Variants in SLC9A9 observed in about 807,000 individuals in gnomAD.
The protein encoded by SLC9A9 is sodium/hydrogen exchanger 9.
In SLC9A9, 62 loss-of-function variants were observed where a neutral mutation model predicts 77.8. The ratio of observed to expected loss-of-function variants is 0.80; its 90% CI spans 0.65 to 0.98. SLC9A9 has a LOEUF of 0.98. Among genes scored for constraint, SLC9A9 ranks in the 50% least tolerant of loss-of-function variants. The pLI, the probability that SLC9A9 is intolerant of heterozygous loss-of-function variation, is 0.00. For synonymous variants in SLC9A9, 320 were observed against 283.5 expected (o/e 1.13, Z -1.29); for missense variants, 775 against 774.9 (o/e 1.00, Z 0.00).
At chr3:143,266,991 T>C (rs1937744457) in intron 15 of SLC9A9, 62 bp from the exon 16 acceptor site, 1 of 1,478,090 alleles carries the variant, frequency 6.8e-7, no homozygotes, top group East Asian at 2.3e-5. Context: ...ATAGCAGTCC[T>C]ACAATTTTTT....
chr3:143,565,145 C>A (rs16853819), intron 8 of SLC9A9, among the ~76,000 whole-genome samples: 2 of 152,090 alleles, frequency 1.3e-5, no homozygotes, highest in African/African-American at 4.8e-5. Flanking sequence ...ATATTCTACC[C>A]TTGTGTGGAA....
At chr3:143,535,382 C>CT (rs1490298531) in intron 9 of SLC9A9, among the ~76,000 whole-genome samples, 2 of 152,144 alleles carry the variant, frequency 1.3e-5, no homozygotes, top group Admixed American at 1.3e-4. Flanking sequence ...CAGGTCATAT[C>CT]TTTTTGCTTT....
intron 5 of SLC9A9, among the ~76,000 whole-genome samples, chr3:143,670,892 A>T (rs1038625670): frequency 6.6e-6 from 1 of 152,202 alleles, no homozygotes; most frequent in African/African-American, 2.4e-5. Flanking sequence ...AAAATCAATT[A>T]TAAAGTGGGA....
chr3:143,798,962 T>C (rs980823249), intron 2 of SLC9A9, among the ~76,000 whole-genome samples: 2 of 152,062 alleles, frequency 1.3e-5, no homozygotes, highest in African/African-American at 2.4e-5. Context: ...TCTCAATTCT[T>C]CCTCAGCCTC....
At chr3:143,277,243 A>C (rs905143) in intron 14 of SLC9A9, among the ~76,000 whole-genome samples, 13,901 of 152,272 alleles carry the variant, frequency 0.091, 895 homozygotes, top group East Asian at 0.27. Flanking sequence ...CATCTGATCT[A>C]TATCCTTGGA....
intron 5 of SLC9A9, among the ~76,000 whole-genome samples, chr3:143,684,988 A>G (rs1166383860): frequency 6.6e-6 from 1 of 152,068 alleles, no homozygotes; most frequent in African/African-American, 2.4e-5. Context: ...CTCAATTTTA[A>G]ATTATTACAG....
intron 12 of SLC9A9, among the ~76,000 whole-genome samples, chr3:143,462,609 T>A (rs2108565575): frequency 6.6e-6 from 1 of 152,190 alleles, no homozygotes; most frequent in East Asian, 1.9e-4. Context: ...TTGGCTACTT[T>A]GGACTAATCT....
chr3:143,768,366 C>G (rs1031491297), intron 4 of SLC9A9, among the ~76,000 whole-genome samples: 17 of 152,064 alleles, frequency 1.1e-4, no homozygotes, highest in Admixed American at 3.9e-4. Context: ...AACAACCTAC[C>G]CTGTATTTTA....
intron 12 of SLC9A9, among the ~76,000 whole-genome samples, chr3:143,437,715 C>G (rs960838077): frequency 6.6e-6 from 1 of 152,222 alleles, no homozygotes; most frequent in African/African-American, 2.4e-5. Flanking sequence ...TCCCCACCCC[C>G]AGTCACTAAA....
intron 5 of SLC9A9, among the ~76,000 whole-genome samples, chr3:143,680,204 T>C (rs1435471183): frequency 1.3e-5 from 2 of 152,118 alleles, no homozygotes; most frequent in Non-Finnish European, 2.9e-5. Context: ...CAAATTGCTA[T>C]TGAATATGAG....
At chr3:143,743,244 TA>T (rs1560059067) in intron 4 of SLC9A9, among the ~76,000 whole-genome samples, 11,130 of 65,774 alleles carry the variant, frequency 0.17, 496 homozygotes, top group East Asian at 0.24. Flanking sequence ...GATGGATGGA[TA>T]GATAGATAGA....
At chr3:143,785,881 G>C (rs2008038820) in intron 4 of SLC9A9, among the ~76,000 whole-genome samples, 1 of 131,784 alleles carries the variant, frequency 7.6e-6, no homozygotes, top group Admixed American at 8.3e-5. Context: ...TTTTGAGACG[G>C]AGTTTCGCTC....
chr3:143,583,896 C>A (rs1174326365), intron 6 of SLC9A9, among the ~76,000 whole-genome samples: 2 of 152,128 alleles, frequency 1.3e-5, no homozygotes, highest in Admixed American at 6.6e-5. Context: ...CTTTGGGTGG[C>A]AGGGATCATC....
chr3:143,472,880 T>C (rs1454424579), intron 11 of SLC9A9, among the ~76,000 whole-genome samples: 6 of 152,204 alleles, frequency 3.9e-5, no homozygotes, highest in African/African-American at 1.4e-4. Flanking sequence ...AAAACCTTAT[T>C]TTGAGAGTCA....
intron 12 of SLC9A9, among the ~76,000 whole-genome samples, chr3:143,383,458 C>T (rs1381698312): frequency 2.5e-5 from 1 of 40,706 alleles, no homozygotes; most frequent in Non-Finnish European, 4.8e-5. Flanking sequence ...ACCATTTGAT[C>T]AGAGAAGTAT....
intron 9 of SLC9A9, among the ~76,000 whole-genome samples, chr3:143,508,035 G>T (rs892118392): frequency 2.6e-5 from 4 of 152,096 alleles, no homozygotes; most frequent in African/African-American, 9.7e-5. Context: ...CAACATGGGG[G>T]ATACAAACAT....
chr3:143,304,989 CTT>C (rs1165632458), intron 14 of SLC9A9, among the ~76,000 whole-genome samples: 1 of 152,104 alleles, frequency 6.6e-6, no homozygotes, highest in Non-Finnish European at 1.5e-5. Context: ...CTGGAGAGTA[CTT>C]TTATATTCTG....
At chr3:143,498,158 A>G (rs1194358510) in intron 9 of SLC9A9, among the ~76,000 whole-genome samples, 1 of 152,236 alleles carries the variant, frequency 6.6e-6, no homozygotes, top group Non-Finnish European at 1.5e-5. Flanking sequence ...CACATAGTAC[A>G]AAAGTTTTGT....
intron 5 of SLC9A9, among the ~76,000 whole-genome samples, chr3:143,653,714 C>G (rs1190553352): frequency 6.6e-6 from 1 of 152,114 alleles, no homozygotes; most frequent in Non-Finnish European, 1.5e-5. Flanking sequence ...GGACACATGG[C>G]TGGAGGCTTT....
Sources: gnomAD v4.1 joint callset for allele counts (sites outside exome capture counted in the v4.1 genomes callset) on GRCh38, gnomAD v4.1.1 for gene constraint, MANE v1.5 for transcripts, NCBI Gene and HGNC (gene_info 2026-07-23, HGNC 2026-07-21) for gene names.